Variants in B3GAT2 observed in about 807,000 individuals in gnomAD.
B3GAT2 encodes galactosylgalactosylxylosylprotein 3-beta-glucuronosyltransferase 2.
In B3GAT2, 26 loss-of-function variants were observed where a neutral mutation model predicts 27.8. That is an observed-to-expected ratio of 0.93 (90% CI 0.68 to 1.30). The LOEUF (loss-of-function observed/expected upper bound fraction) is 1.30. Ranked by LOEUF, B3GAT2 falls within the 50% of genes most tolerant of loss-of-function variation. The pLI is 0.00. For missense variants in B3GAT2, 458 were observed against 459.0 expected (o/e 1.00, Z 0.02); for synonymous variants, 218 against 195.1 (o/e 1.12, Z -0.98).
At chr6:70,952,234 A>C (rs1407649817) in intron 1 of B3GAT2, among the ~76,000 whole-genome samples, 2 of 152,196 alleles carry the variant, frequency 1.3e-5, no homozygotes, top group Non-Finnish European at 2.9e-5. Flanking sequence ...TTCTAGATGC[A>C]ATCTCAGTCA....
intron 1 of B3GAT2, among the ~76,000 whole-genome samples, chr6:70,915,684 G>C (rs1772761365): frequency 6.6e-6 from 1 of 152,016 alleles, no homozygotes; most frequent in Non-Finnish European, 1.5e-5. Context: ...ATTTGTTTTT[G>C]TCAGGTTTGT....
In B3GAT2 at chr6:70,858,244, C is replaced by G; in HGVS notation, c.*3419G>C. ...GCCTCTCACAGGTAGGGGTCATTTA[C>G]TTTCTAGCTTCTCCCAAATCAAACC... On this transcript the variant is annotated 3_prime_UTR_variant, in exon 4 of 4. Transcript: ENST00000230053. The G allele has an allele frequency of 1.6e-6, 2 of 1,219,532 alleles. No individual in the cohort carries two copies. Among genetic ancestry groups the G allele is most frequent in the Non-Finnish European group, 2.3e-6 (2 of 885,302 alleles). The allele number at this position is 1,219,532 out of a possible 1,614,324, so 75.5% of individuals were successfully genotyped here.
In B3GAT2 at chr6:70,894,105, A is replaced by G. The variant is rs753086277; in HGVS notation, c.736+23T>C. 4 of 1,588,032 alleles carry G rather than the reference A, an allele frequency of 2.5e-6. No individual in the cohort carries two copies. The African/African-American group carries it at 5.4e-5, about 21-fold the overall frequency. The stretch of plus-strand genomic sequence containing the variant: ...CATAAGAACAGTCCAGCAGGAACAA[A>G]TGTCATCACCCACACTGCTCACCTG... On this transcript the variant is annotated intron_variant, in intron 2 of 3. Coordinates refer to ENST00000230053, the MANE Select transcript of B3GAT2 (RefSeq NM_080742.3).
chr6:70,914,543 T>C (rs1772737849), intron 1 of B3GAT2, among the ~76,000 whole-genome samples: 1 of 152,216 alleles, frequency 6.6e-6, no homozygotes, highest in South Asian at 2.1e-4. Flanking sequence ...TATTATTTTT[T>C]TTAACAAAGA....
At chr6:70,906,928 GAAACAGCATTACAATAGCAAAAGA>G (rs984207806) in intron 1 of B3GAT2, among the ~76,000 whole-genome samples, 1 of 152,126 alleles carries the variant, frequency 6.6e-6, no homozygotes, top group South Asian at 2.1e-4. Flanking sequence ...AACTATCATG[GAAACAGCATTACAATAGCAAAAGA>G]AAATATGCAA....
intron 1 of B3GAT2, among the ~76,000 whole-genome samples, chr6:70,939,837 A>G (rs921241621): frequency 2.0e-5 from 3 of 152,074 alleles, no homozygotes; most frequent in Non-Finnish European, 4.4e-5. Flanking sequence ...TGGCACATGT[A>G]TACATATGTA....
In B3GAT2 at chr6:70,857,214, A is replaced by G. The variant is rs1206127672; in HGVS notation, c.*4449T>C. 8.2e-6 allele frequency: 4 copies of G among 485,548 alleles called. No individual in the cohort carries two copies. The highest frequency in any genetic ancestry group is 1.0e-5 in the Non-Finnish European group (3 of 291,804). The allele number at this position is 485,548 out of a possible 1,614,324, so 30.1% of individuals were successfully genotyped here. A position where few individuals can be genotyped will look rare whatever the true frequency, so the allele number is the denominator to read the frequency against. On this transcript the variant is annotated 3_prime_UTR_variant, in exon 4 of 4. Transcript: ENST00000230053. ...AATTAAAAAATTAAGAGGCATGTAC[A>G]GGATTCACAGAACTTTATTTGGAAT...
intron 1 of B3GAT2, among the ~76,000 whole-genome samples, chr6:70,946,195 A>G (rs1765480050): frequency 6.6e-6 from 1 of 152,056 alleles, no homozygotes; most frequent in Non-Finnish European, 1.5e-5. Flanking sequence ...TAACATCATA[A>G]TGACAGGATC....
At position 70,924,713 on chromosome 6, in the gene B3GAT2, T is replaced by C. The variant is rs536579938; in HGVS notation, c.592-30441A>G. 4.6e-5 allele frequency among the ~76,000 whole-genome samples: 7 copies of C among 152,306 alleles called. No individual in the cohort carries two copies. The East Asian group carries it at 1.4e-3, about 29-fold the overall frequency. ...CCCTCCAAATGCCCTTAGTCATTCC[T>C]GGGATTGGGTCAAGCTAACTTTGGA... is the stretch of plus-strand genomic sequence containing the variant. On this transcript the variant is annotated intron_variant, in intron 1 of 3. Transcript: ENST00000230053.
chr6:70,936,332 T>C (rs1305742975), intron 1 of B3GAT2, among the ~76,000 whole-genome samples: 2 of 151,944 alleles, frequency 1.3e-5, no homozygotes, highest in African/African-American at 2.4e-5. Flanking sequence ...CTGTGAACAT[T>C]AGACAGATCA....
intron 1 of B3GAT2, among the ~76,000 whole-genome samples, chr6:70,917,819 A>C (rs1772799439): frequency 1.3e-5 from 2 of 152,162 alleles, no homozygotes; most frequent in African/African-American, 4.8e-5. Context: ...GCTTCCAATT[A>C]TGTGGTCAAT....
At chr6:70,874,975 T>C (rs1771990568) in intron 2 of B3GAT2, among the ~76,000 whole-genome samples, 1 of 151,548 alleles carries the variant, frequency 6.6e-6, no homozygotes, top group Non-Finnish European at 1.5e-5. Context: ...TATACTACAA[T>C]ACTGCTCTTA....
intron 1 of B3GAT2, among the ~76,000 whole-genome samples, chr6:70,896,073 T>C (rs563023413): frequency 3.9e-5 from 6 of 152,194 alleles, no homozygotes; most frequent in Non-Finnish European, 8.8e-5. Flanking sequence ...AGAGTGCCTA[T>C]GTGACAAGCC....
Position 70,860,014 on chromosome 6 carries a change from A to G in B3GAT2, c.*1649T>C. On this transcript the variant is annotated 3_prime_UTR_variant, in exon 4 of 4. Transcript: ENST00000230053. The stretch of plus-strand genomic sequence containing the variant: ...TAATCTTTGGGGAAACTGTATCTAG[A>G]AAGTAGATAAAGAAGGGAACAAAGT... The G allele has an allele frequency of 1.9e-6, 1 of 536,776 alleles. No homozygotes were observed. The highest frequency in any genetic ancestry group is 3.0e-6 in the Non-Finnish European group (1 of 332,596). The allele number at this position is 536,776 out of a possible 1,614,324, so 33.3% of individuals were successfully genotyped here. A position where few individuals can be genotyped will look rare whatever the true frequency, so the allele number is the denominator to read the frequency against.
Position 70,956,169 on chromosome 6 carries a change from G to C in B3GAT2, c.261C>G (p.Pro87=). 2.5e-6 allele frequency: 4 copies of C among 1,609,900 alleles called. No homozygotes were observed. In the African/African-American group the frequency reaches 4.0e-5, roughly 16 times the overall value. ...PQLPTIYAIT[P]TYSRPVQKAE... ...CTTTCTGCACCGGGCGGCTGTAGGT[G>C]GGCGTGATGGCATAGATGGTGGGCA... Residue 87 remains proline (P), a synonymous_variant, in exon 1 of 4, where the codon CCC becomes CCG. Coordinates refer to ENST00000230053, the MANE Select transcript of B3GAT2 (RefSeq NM_080742.3).
Position 70,956,800 on chromosome 6 carries a change from C to T in B3GAT2, c.-371G>A. 12 of 1,081,100 alleles carry T rather than the reference C, an allele frequency of 1.1e-5. No homozygotes were observed. Among genetic ancestry groups the T allele is most frequent in the Non-Finnish European group, 1.3e-5 (12 of 891,094 alleles). The allele number at this position is 1,081,100 out of a possible 1,614,324, so 67.0% of individuals were successfully genotyped here. Reference sequence around the variant, plus strand: ...CTGAAGAGTGGAAGCCGAGAAGCGGCACCCGGTGCGCCTCGCCGCTCCAGT... The same window carrying T: ...CTGAAGAGTGGAAGCCGAGAAGCGGTACCCGGTGCGCCTCGCCGCTCCAGT... On this transcript the variant is annotated 5_prime_UTR_variant, in exon 1 of 4. Coordinates refer to ENST00000230053, the MANE Select transcript of B3GAT2 (RefSeq NM_080742.3).
At chr6:70,876,577 T>C (rs528744352) in intron 2 of B3GAT2, among the ~76,000 whole-genome samples, 4 of 152,364 alleles carry the variant, frequency 2.6e-5, no homozygotes, top group South Asian at 2.1e-4. Context: ...AATGAATATA[T>C]GTAAACAAAT....
In B3GAT2 at chr6:70,859,615, A is replaced by T. The variant is rs535781846; in HGVS notation, c.*2048T>A. ...TTCTCTTATCACCAATTTTGGAAGT[A>T]AGAGAATCACAGGGTTAAGATGCTT... On this transcript the variant is annotated 3_prime_UTR_variant, in exon 4 of 4. Transcript: ENST00000230053. The T allele has an allele frequency of 6.7e-5, 26 of 388,282 alleles. No individual in the cohort carries two copies. Among genetic ancestry groups the T allele is most frequent in the Non-Finnish European group, 1.1e-4 (23 of 217,876 alleles). The allele number at this position is 388,282 out of a possible 1,614,324, so 24.1% of individuals were successfully genotyped here. A position where few individuals can be genotyped will look rare whatever the true frequency, so the allele number is the denominator to read the frequency against.
Position 70,859,374 on chromosome 6 carries a change from A to T in B3GAT2, c.*2289T>A. On this transcript the variant is annotated 3_prime_UTR_variant, in exon 4 of 4. Coordinates refer to ENST00000230053, the MANE Select transcript of B3GAT2 (RefSeq NM_080742.3). ...TGTTCTCCAGCACTCCATCAGTGCA[A>T]TCTACTGGCCAATGACAAGGTGGTT... 1 of 1,549,548 alleles carries T rather than the reference A, an allele frequency of 6.5e-7. No individual in the cohort carries two copies. Among genetic ancestry groups the T allele is most frequent in the Non-Finnish European group, 8.7e-7 (1 of 1,146,526 alleles).
Sources: gnomAD v4.1 joint callset for allele counts (sites outside exome capture counted in the v4.1 genomes callset) on GRCh38, gnomAD v4.1.1 for gene constraint, MANE v1.5 for transcripts, NCBI Gene and HGNC (gene_info 2026-07-23, HGNC 2026-07-21) for gene names.